The following TMEM164 variants were observed in gnomAD, a reference collection of about 807,000 sequenced individuals.
The protein encoded by TMEM164 is transmembrane protein 164.
TMEM164 carries 4 observed loss-of-function variants against 18.8 expected under a neutral mutation model. The ratio of observed to expected loss-of-function variants is 0.21; its 90% CI spans 0.10 to 0.49. The LOEUF (loss-of-function observed/expected upper bound fraction) is 0.49. Among genes scored for constraint, TMEM164 ranks in the 20% least tolerant of loss-of-function variants. The pLI is 0.98. For missense variants in TMEM164, 108 were observed against 239.9 expected (o/e 0.45, Z 3.63); for synonymous variants, 86 against 101.7 (o/e 0.85, Z 0.93).
chrX:110,161,196 G>A (rs190167680), intron 5 of TMEM164, among the ~76,000 whole-genome samples: 11 of 112,021 alleles, frequency 9.8e-5, no homozygotes, highest in Admixed American at 2.8e-4. Context: ...CAGTTAAAGC[G>A]GAAGTACTTT....
intron 2 of TMEM164, among the ~76,000 whole-genome samples, chrX:110,025,259 G>C (rs181288735): frequency 2.6e-4 from 29 of 111,988 alleles, no homozygotes; most frequent in African/African-American, 7.8e-4. Context: ...TCTGATGGCA[G>C]TGCTGCTTGG....
chrX:110,152,709 T>G (rs2066961182), intron 5 of TMEM164, among the ~76,000 whole-genome samples: 1 of 110,895 alleles, frequency 9.0e-6, no homozygotes, highest in African/African-American at 3.3e-5. Context: ...TAAATATCTC[T>G]CAGACTCATC....
intron 5 of TMEM164, among the ~76,000 whole-genome samples, chrX:110,167,164 A>G (rs1190312301): frequency 8.9e-6 from 1 of 111,778 alleles, no homozygotes; most frequent in Non-Finnish European, 1.9e-5. Context: ...AAATAGCAGC[A>G]GCCATCTGCA....
chrX:110,015,552 T>A lies in TMEM164; in HGVS notation c.390+11388T>A, dbSNP rs1054534215. 1.2e-4 allele frequency among the ~76,000 whole-genome samples: 11 copies of A among 89,680 alleles called. No individual in the cohort carries two copies. In the East Asian group the frequency reaches 2.5e-3, roughly 20 times the overall value. 77.9% of individuals were successfully genotyped at this position (89,680 alleles called of 115,157 possible). A position where few individuals can be genotyped will look rare whatever the true frequency, so the allele number is the denominator to read the frequency against. ...CTTTTTTAAGTTCCAGGAACTTGAG[T>A]GTGTGTGTGTGTGTGTGTGTGTGTG... is the stretch of plus-strand genomic sequence containing the variant. On this transcript the variant is annotated intron_variant, in intron 2 of 6. Coordinates refer to ENST00000372068, the MANE Select transcript of TMEM164 (RefSeq NM_032227.4).
chrX:110,101,843 A>T (rs1048806171), intron 3 of TMEM164, among the ~76,000 whole-genome samples: 9 of 109,441 alleles, frequency 8.2e-5, no homozygotes, highest in Non-Finnish European at 1.7e-4. Flanking sequence ...TTGGCCTCCC[A>T]AAGTGCTGGG....
intron 4 of TMEM164, among the ~76,000 whole-genome samples, chrX:110,115,956 CACATGTT>C (rs2066357123): frequency 3.6e-5 from 4 of 110,615 alleles, no homozygotes; most frequent in Non-Finnish European, 5.7e-5. Context: ...GGCGTGGTGG[CACATGTT>C]TATAATCCAA....
chrX:110,093,635 C>A (rs1035946295), intron 3 of TMEM164, among the ~76,000 whole-genome samples: 2 of 111,451 alleles, frequency 1.8e-5, no homozygotes, highest in African/African-American at 6.5e-5. Flanking sequence ...TTCAGAAAAC[C>A]AGCTCCTGGA....
intron 3 of TMEM164, among the ~76,000 whole-genome samples, chrX:110,094,496 G>A (rs2065982730): frequency 9.0e-6 from 1 of 111,397 alleles, no homozygotes; most frequent in African/African-American, 3.3e-5. Flanking sequence ...CAGAGAGTAG[G>A]ATTGCAACCC....
intron 5 of TMEM164, among the ~76,000 whole-genome samples, chrX:110,147,106 C>G (rs2066867606): frequency 9.0e-6 from 1 of 111,345 alleles, no homozygotes; most frequent in Admixed American, 9.5e-5. Flanking sequence ...TTGTGGGAAA[C>G]CCACTCATCC....
intron 4 of TMEM164, among the ~76,000 whole-genome samples, chrX:110,131,795 G>A (rs1359613641): frequency 1.8e-5 from 2 of 111,885 alleles, no homozygotes; most frequent in Non-Finnish European, 3.8e-5. Context: ...TTCAGGACTG[G>A]ACTTCGAAGT....
intron 4 of TMEM164, among the ~76,000 whole-genome samples, chrX:110,125,274 G>A (rs1457105628): frequency 3.6e-5 from 4 of 111,949 alleles, no homozygotes; most frequent in African/African-American, 1.3e-4. Flanking sequence ...TTTGAGAATG[G>A]CTTTGACTTA....
chrX:110,062,242 A>G (rs1936153275), intron 2 of TMEM164, among the ~76,000 whole-genome samples: 1 of 112,306 alleles, frequency 8.9e-6, no homozygotes, highest in South Asian at 3.6e-4. Context: ...AGAACACACC[A>G]GCTGAAAAAC....
intron 3 of TMEM164, among the ~76,000 whole-genome samples, chrX:110,092,083 C>A (rs1410799335): frequency 8.9e-6 from 1 of 111,856 alleles, no homozygotes; most frequent in Non-Finnish European, 1.9e-5. Flanking sequence ...TGTTTTGGTA[C>A]CAGTACCATG....
chrX:110,013,572 T>C (rs1373652454), intron 2 of TMEM164, among the ~76,000 whole-genome samples: 1 of 112,009 alleles, frequency 8.9e-6, no homozygotes, highest in Non-Finnish European at 1.9e-5. Context: ...TGCTGGGACA[T>C]TGTAGGCTTG....
rs757291890 is a variant in TMEM164, at chrX:110,059,354, C to CTAAGTACTAACAA, written c.391-7993_391-7992insTAAGTACTAACAA. Among the ~76,000 whole-genome samples, 443 of 111,845 alleles carry CTAAGTACTAACAA rather than the reference C, an allele frequency of 4.0e-3. 3 individuals carry two copies. The highest frequency in any genetic ancestry group is 6.8e-3 in the Non-Finnish European group (360 of 53,156). On this transcript the variant is annotated intron_variant, in intron 2 of 6. Coordinates refer to ENST00000372068, the MANE Select transcript of TMEM164 (RefSeq NM_032227.4). ...TCTGTGTCTTTCCTTAGGTTAGTAC[C>CTAAGTACTAACAA]ACACTGTCTTTGTTACTGTTGCTTT... is the stretch of plus-strand genomic sequence containing the variant.
intron 4 of TMEM164, among the ~76,000 whole-genome samples, chrX:110,111,268 C>A (rs924205078): frequency 8.9e-6 from 1 of 112,494 alleles, no homozygotes; most frequent in Non-Finnish European, 1.9e-5. Flanking sequence ...TAAAAATAAA[C>A]CAAATTGGGA....
chrX:110,030,922 A>G (rs1934472650), intron 2 of TMEM164, among the ~76,000 whole-genome samples: 1 of 111,718 alleles, frequency 9.0e-6, no homozygotes, highest in Non-Finnish European at 1.9e-5. Flanking sequence ...ATTTTTTATT[A>G]TACTTTCAGT....
intron 3 of TMEM164, among the ~76,000 whole-genome samples, chrX:110,085,336 A>ATATAT (rs760943540): frequency 2.5e-5 from 2 of 80,659 alleles, no homozygotes; most frequent in African/African-American, 1.8e-4. Context: ...AATTAAAAAA[A>ATATAT]ATATATATAT....
intron 3 of TMEM164, among the ~76,000 whole-genome samples, chrX:110,101,522 A>G (rs1269322522): frequency 4.6e-5 from 5 of 108,200 alleles, no homozygotes; most frequent in African/African-American, 1.3e-4. Flanking sequence ...ATGTCATTCT[A>G]CCTAGAAGTT....
Sources: gnomAD v4.1 joint callset for allele counts (sites outside exome capture counted in the v4.1 genomes callset) on GRCh38, gnomAD v4.1.1 for gene constraint, MANE v1.5 for transcripts, NCBI Gene and HGNC (gene_info 2026-07-23, HGNC 2026-07-21) for gene names.